SNAP91: variants seen among roughly 807,000 people sequenced by gnomAD.
The protein encoded by SNAP91 is synaptosome associated protein 91, also known as clathrin coat assembly protein AP180.
In SNAP91, 27 loss-of-function variants were observed where a neutral mutation model predicts 100.3. That is an observed-to-expected ratio of 0.27 (90% CI 0.20 to 0.37). The LOEUF (loss-of-function observed/expected upper bound fraction) is 0.37, where lower values mean the gene tolerates loss of function less well. SNAP91 is among the 10% of genes least tolerant of loss of function. SNAP91 has a pLI of 1.00. For missense variants in SNAP91, 986 were observed against 1,123.7 expected, an observed-to-expected ratio of 0.88 and a Z score of 1.75; for synonymous variants, 404 against 398.6, an observed-to-expected ratio of 1.01 and a Z score of -0.16.
intron 5 of SNAP91, among the ~76,000 whole-genome samples, chr6:83,659,665 C>G (rs2098496909): frequency 6.6e-6 from 1 of 152,020 alleles, no homozygotes; most frequent in Non-Finnish European, 1.5e-5. Flanking sequence ...CTCCTGACCT[C>G]ACAGAGTCCT....
intron 2 of SNAP91, among the ~76,000 whole-genome samples, chr6:83,672,221 G>C (rs760269592): frequency 2.6e-5 from 4 of 151,984 alleles, no homozygotes; most frequent in Non-Finnish European, 5.9e-5. Context: ...CATCTCTCAA[G>C]ATCAATCTCA....
chr6:83,649,638 G>A (rs1404150674), intron 7 of SNAP91, among the ~76,000 whole-genome samples: 1 of 152,082 alleles, frequency 6.6e-6, no homozygotes, highest in East Asian at 1.9e-4. Flanking sequence ...CTGGAGTGCA[G>A]CAGTATAATC....
chr6:83,610,736 TA>T, intron 11 of SNAP91, 59 bp from the exon 12 acceptor site: 1 of 198,676 alleles, frequency 5.0e-6, no homozygotes, highest in East Asian at 9.2e-5. Context: ...TATATATATA[TA>T]TATATATATA....
chr6:83,605,873 A>G, intron 13 of SNAP91, 70 bp from the exon 14 acceptor site: 1 of 1,201,744 alleles, frequency 8.3e-7, no homozygotes, highest in South Asian at 1.5e-5. Flanking sequence ...TTGAATAAAG[A>G]CATGCAGAAA....
chr6:83,708,041 G>A (rs2099403565), intron 1 of SNAP91, 84 bp from the exon 2 acceptor site: 3 of 1,271,540 alleles, frequency 2.4e-6, no homozygotes, highest in Admixed American at 3.6e-5. Context: ...CTCCAGCCGC[G>A]CGGCGGCTCT....
intron 2 of SNAP91, among the ~76,000 whole-genome samples, chr6:83,696,297 G>A (rs1251342893): frequency 1.3e-5 from 2 of 152,184 alleles, no homozygotes; most frequent in African/African-American, 4.8e-5. Flanking sequence ...TGGTTTAGAT[G>A]TAACAATCAG....
At chr6:83,692,088 G>A (rs217289) in intron 2 of SNAP91, among the ~76,000 whole-genome samples, 55,198 of 151,896 alleles carry the variant, frequency 0.36, 10,913 homozygotes, top group South Asian at 0.5. Flanking sequence ...AGCAGCTGAG[G>A]GTGAGCTCTT....
intron 2 of SNAP91, among the ~76,000 whole-genome samples, chr6:83,697,939 A>G (rs977389591): frequency 6.6e-6 from 1 of 152,166 alleles, no homozygotes; most frequent in African/African-American, 2.4e-5. Flanking sequence ...GAAAACAACC[A>G]CTGAAGAGAA....
chr6:83,661,407 G>C, intron 5 of SNAP91, 95 bp downstream of exon 5: 1 of 691,786 alleles, frequency 1.4e-6, no homozygotes, highest in Non-Finnish European at 2.4e-6. Flanking sequence ...GGGCCTTCAA[G>C]AAAATTAGCT....
chr6:83,657,404 C>T (rs1047167421), intron 6 of SNAP91, among the ~76,000 whole-genome samples: 7 of 152,132 alleles, frequency 4.6e-5, no homozygotes, highest in Admixed American at 1.3e-4. Context: ...TTCTTTTTCC[C>T]TTTATGACTT....
intron 8 of SNAP91, among the ~76,000 whole-genome samples, chr6:83,637,656 A>G (rs1193649514): frequency 6.6e-6 from 1 of 152,172 alleles, no homozygotes; most frequent in East Asian, 1.9e-4. Context: ...CTCCCTGGGA[A>G]AGAAGATGTG....
intron 28 of SNAP91, among the ~76,000 whole-genome samples, chr6:83,559,650 G>C (rs1236325263): frequency 3.9e-5 from 6 of 152,118 alleles, no homozygotes; most frequent in African/African-American, 1.4e-4. Flanking sequence ...CGTCTGGAGT[G>C]AGGAGATTCT....
chr6:83,569,119 GA>G (rs1263409826), intron 26 of SNAP91, among the ~76,000 whole-genome samples: 1 of 152,070 alleles, frequency 6.6e-6, no homozygotes, highest in Non-Finnish European at 1.5e-5. Flanking sequence ...ATAAAACTAA[GA>G]ATTAATAAAG....
chr6:83,682,979 C>A (rs905573760), intron 2 of SNAP91, among the ~76,000 whole-genome samples: 2 of 152,034 alleles, frequency 1.3e-5, no homozygotes, highest in Non-Finnish European at 1.5e-5. Context: ...TACCATATGA[C>A]CATCATCCCC....
At chr6:83,640,059 G>A (rs2097625389) in intron 8 of SNAP91, among the ~76,000 whole-genome samples, 1 of 152,078 alleles carries the variant, frequency 6.6e-6, no homozygotes. Context: ...ATTTACATAA[G>A]CTAATCTTTA....
intron 26 of SNAP91, among the ~76,000 whole-genome samples, chr6:83,571,392 C>A (rs188480231): frequency 6.6e-6 from 1 of 152,262 alleles, no homozygotes. Context: ...TGTTAGCCAC[C>A]ATGCCTGGCC....
rs145224581 is a variant in SNAP91, at chr6:83,618,088, G to C, written c.808-1049C>G. ...TACACTGTACCTTTAATGACAGAAT[G>C]AAATTCTTACTAAAAATCTTTAATT... is the stretch of plus-strand genomic sequence containing the variant. On this transcript the variant is annotated intron_variant, in intron 9 of 29. Coordinates refer to ENST00000369694, the MANE Select transcript of SNAP91 (RefSeq NM_001242792.2). Among the ~76,000 whole-genome samples the C allele has an allele frequency of 3.2e-4, 48 of 151,876 alleles. 1 individual carries two copies. Among genetic ancestry groups the C allele is most frequent in the African/African-American group, 1.1e-3 (47 of 41,524 alleles).
chr6:83,672,968 A>C (rs537333080), intron 2 of SNAP91, among the ~76,000 whole-genome samples: 2 of 152,098 alleles, frequency 1.3e-5, no homozygotes, highest in Non-Finnish European at 2.9e-5. Flanking sequence ...TCATTCTTTT[A>C]TTTTATAATC....
intron 2 of SNAP91, among the ~76,000 whole-genome samples, chr6:83,674,053 G>GT (rs1385194584): frequency 6.6e-6 from 1 of 152,130 alleles, no homozygotes; most frequent in East Asian, 1.9e-4. Context: ...TCTGAATCAT[G>GT]TTTTTTGTTT....
Sources: gnomAD v4.1 joint callset for allele counts (sites outside exome capture counted in the v4.1 genomes callset) on GRCh38, gnomAD v4.1.1 for gene constraint, MANE v1.5 for transcripts, NCBI Gene and HGNC (gene_info 2026-07-23, HGNC 2026-07-21) for gene names.